ZAN: variants seen among roughly 807,000 people sequenced by gnomAD.
The protein encoded by ZAN is zonadhesin (gene/pseudogene).
In ZAN, 260 loss-of-function variants were observed where a neutral mutation model predicts 286.2. The ratio of observed to expected loss-of-function variants is 0.91; its 90% confidence interval spans 0.82 to 1.01. The LOEUF (loss-of-function observed/expected upper bound fraction) is 1.01, where lower values mean the gene tolerates loss of function less well. Ranked by LOEUF, ZAN falls within the 50% of genes least tolerant of loss-of-function variation. The pLI, the probability that ZAN is intolerant of heterozygous loss-of-function variation, is 0.00. For missense variants in ZAN, 3,410 were observed against 3,639.2 expected, an observed-to-expected ratio of 0.94 and a Z score of 1.62; for synonymous variants, 1,368 against 1,417.5, an observed-to-expected ratio of 0.97 and a Z score of 0.79.
At chr7:100,783,851 T>A (rs1235443473) in intron 35 of ZAN, among the ~76,000 whole-genome samples, 1 of 138,026 alleles carries the variant, frequency 7.2e-6, no homozygotes, top group Non-Finnish European at 1.5e-5. Context: ...TGAGATCACA[T>A]TAAATGTGTA....
Position 100,790,935 on chromosome 7 carries a change from C to T in ZAN, c.7358-7C>T, listed in dbSNP as rs1445636582. 1 of 1,606,482 alleles carries T rather than the reference C, an allele frequency of 6.2e-7. No individual in the cohort carries two copies. The highest frequency in any genetic ancestry group is 1.3e-5 in the African/African-American group (1 of 74,644). On this transcript the variant is annotated splice_region_variant and splice_polypyrimidine_tract_variant and intron_variant, in intron 39 of 47. Coordinates refer to ENST00000613979, the MANE Select transcript of ZAN (RefSeq NM_003386.3). Reference sequence around the variant, plus strand: ...TCTCACTTCTGGGGACCCCCTTCCTCCCGCAGTGATCTCCCTACCCAGCAT... The same window carrying T: ...TCTCACTTCTGGGGACCCCCTTCCTTCCGCAGTGATCTCCCTACCCAGCAT...
rs181185014 is a variant in ZAN, at chr7:100,762,125, G to C, written c.3843-90G>C. ...ATCCTCCTCACGCCCTCTGTTTTAG[G>C]ATCCCAGCTCCTTGCCTTCTCTGCC... On this transcript the variant is annotated intron_variant, in intron 19 of 47. Transcript: ENST00000613979. 3,199 of 1,544,142 alleles carry C rather than the reference G, an allele frequency of 2.1e-3. 14 individuals are homozygous for C. The highest frequency in any genetic ancestry group is 2.0e-3 in the Non-Finnish European group (2,289 of 1,126,204).
At chr7:100,737,684 C>T (rs141633632) in intron 6 of ZAN, among the ~76,000 whole-genome samples, 2,364 of 132,792 alleles carry the variant, frequency 0.018, 324 homozygotes, top group African/African-American at 0.06. Context: ...CCAGCCTTGG[C>T]GATGGAGTGA....
chr7:100,762,481 AG>A, intron 20 of ZAN, 123 bp downstream of exon 20: 1 of 1,276,314 alleles, frequency 7.8e-7, no homozygotes, highest in South Asian at 1.6e-5. Context: ...GCTGGAGTGC[AG>A]TGGTGCGATC....
chr7:100,772,748 G>A (rs1810459649), intron 29 of ZAN, among the ~76,000 whole-genome samples: 1 of 151,898 alleles, frequency 6.6e-6, no homozygotes, highest in African/African-American at 2.4e-5. Context: ...GTGAATCTGG[G>A]AGGTGGAGCT....
chr7:100,779,696 AC>A lies in ZAN; in HGVS notation c.6570del (p.Cys2191AlafsTer66), dbSNP rs2116217436. On this transcript the variant is annotated frameshift_variant, in exon 35 of 48. Coordinates refer to ENST00000613979, the MANE Select transcript of ZAN (RefSeq NM_003386.3). LOFTEE classifies it high-confidence loss of function. ...LCQALQAFGATCQSQGLKPPL... is the reference protein window; with the variant it reads ...LCQALQAFGAXCQSQGLKPPL... The stretch of plus-strand genomic sequence containing the variant: ...CCAGGCTCTGCAAGCCTTCGGGGCC[AC>A]CTGCCAGAGCCAGGGGCTCAAGCCC... The A allele has an allele frequency of 6.4e-7, 1 of 1,559,968 alleles. No individual in the cohort carries two copies. The highest frequency in any genetic ancestry group is 1.9e-5 in the Admixed American group (1 of 51,928).
chr7:100,795,724 G>A (rs2116363558), intron 45 of ZAN, among the ~76,000 whole-genome samples: 1 of 151,850 alleles, frequency 6.6e-6, no homozygotes, highest in East Asian at 1.9e-4. Flanking sequence ...GGCTAACGAA[G>A]TGAAACCCCG....
rs761820150 is a variant in ZAN at position 100,784,634 on chromosome 7, C to T, written c.6634C>T (p.Pro2212Ser). ...TCCTTCACCCACAGCTCTGGAATGC[C>T]CTGCCTACAGCAGCTACACCAACTG... is the stretch of plus-strand genomic sequence containing the variant. ...RNSSFCPLEC[P>S]AYSSYTNCLP... The change falls in exon 36 of 48, where the codon CCT (proline) becomes TCT (serine). Residue 2212 changes from proline to serine, a missense_variant. This residue lies in a region of ZAN where 1,289 missense variants were observed against 1,314.3 expected (regional missense o/e 0.98). Transcript: ENST00000613979. 6.2e-7 allele frequency: 1 copy of T among 1,613,836 alleles called. No individual in the cohort carries two copies. Among genetic ancestry groups the T allele is most frequent in the Non-Finnish European group, 8.5e-7 (1 of 1,179,862 alleles).
rs376729135 is a variant in ZAN at position 100,753,014 on chromosome 7, C to A, written c.2909C>A (p.Thr970Asn). 1 of 1,609,158 alleles carries A rather than the reference C, an allele frequency of 6.2e-7. No individual in the cohort carries two copies. Among genetic ancestry groups the A allele is most frequent in the South Asian group, 1.1e-5 (1 of 90,546 alleles). Residue 970 changes from threonine (T) to asparagine (N), a missense_variant, in exon 14 of 48, where the codon ACC (threonine) becomes AAC (asparagine). By Grantham distance (65) the Thr-to-Asn change is moderately conservative. This residue lies in a region of ZAN where 1,042 missense variants were observed against 1,058.0 expected (regional missense o/e 0.98). Transcript: ENST00000613979. ...EKPTISTEKP[T>N]IPTEKLTIPT... ...CCCACCATCTCCACGGAAAAACCCA[C>A]CATCCCCACGGAAAAACTTACCATC...
intron 36 of ZAN, among the ~76,000 whole-genome samples, chr7:100,785,424 T>C (rs1208747298): frequency 2.0e-5 from 3 of 151,916 alleles, no homozygotes; most frequent in Non-Finnish European, 4.4e-5. Context: ...AGAGATTGGG[T>C]TTCACCATGT....
At position 100,739,546 on chromosome 7, in the gene ZAN, G is replaced by A. The variant is rs1388421261; in HGVS notation, c.766+933G>A. Reference sequence around the variant, plus strand: ...ACTGGCTCACGCCTGTAATCCCAGCGCTTTGGGAAGCTGAGACGGGAGGAT... The same window carrying A: ...ACTGGCTCACGCCTGTAATCCCAGCACTTTGGGAAGCTGAGACGGGAGGAT... On this transcript the variant is annotated intron_variant, in intron 7 of 47. Coordinates refer to ENST00000613979, the MANE Select transcript of ZAN (RefSeq NM_003386.3). Among the ~76,000 whole-genome samples the A allele has an allele frequency of 2.2e-5, 3 of 135,824 alleles. 1 individual carries two copies. Among genetic ancestry groups the A allele is most frequent in the East Asian group, 2.2e-4 (1 of 4,578 alleles). The allele number at this position is 135,824 out of a possible 152,430, so 89.1% of individuals were successfully genotyped here. A position where few individuals can be genotyped will look rare whatever the true frequency, so the allele number is the denominator to read the frequency against.
At chr7:100,776,718 CTTTT>C (rs1161585746) in intron 34 of ZAN, among the ~76,000 whole-genome samples, 154 bp downstream of exon 34, 12 of 47,508 alleles carry the variant, frequency 2.5e-4, no homozygotes, top group African/African-American at 5.0e-4. Flanking sequence ...CCTCTCCTTT[CTTTT>C]TTTTTTTTTT....
Position 100,736,501 on chromosome 7 carries a change from A to G in ZAN, c.125A>G (p.Asp42Gly). ...TTCCTAGATGTCCTCACCCAGTGTG[A>G]TTTTGAGGATGACGCCAAACCCCTC... ...SRDNYVLTQC[D>G]FEDDAKPLCD... is the part of the protein sequence containing the mutation. Residue 42 changes from aspartate to glycine, a missense_variant, in exon 4 of 48, where the codon GAT (aspartate) becomes GGT (glycine). Asp to Gly is a moderately conservative substitution (Grantham distance 94, BLOSUM62 -1). Around this residue, in one of 7 missense-constraint regions of ZAN, gnomAD observed 872 missense variants for 938.9 expected, o/e 0.93. Transcript: ENST00000613979. The G allele has an allele frequency of 6.6e-7, 1 of 1,523,796 alleles. No homozygotes were observed. Among genetic ancestry groups the G allele is most frequent in the Non-Finnish European group, 9.0e-7 (1 of 1,108,122 alleles). 94.4% of individuals were successfully genotyped at this position (1,523,796 alleles called of 1,614,324 possible).
chr7:100,770,743 C>T (rs1810318100), intron 28 of ZAN, among the ~76,000 whole-genome samples: 1 of 151,838 alleles, frequency 6.6e-6, no homozygotes, highest in Admixed American at 6.6e-5. Flanking sequence ...CAGGCTTGAA[C>T]TCCTGGGCTC....
In ZAN at chr7:100,750,662, C is replaced by T. The variant is rs1294609432; in HGVS notation, c.1287C>T (p.Ser429=). The T allele has an allele frequency of 1.2e-6, 2 of 1,613,270 alleles. No individual in the cohort carries two copies. The highest frequency in any genetic ancestry group is 1.7e-6 in the Non-Finnish European group (2 of 1,179,722). ...TCTACCTTGAGGCTGACGAGTTCTC[C>T]CAGGCAGGCCAGTCAGTCAGACTGG... ...HYIYLEADEF[S]QAGQSVRLVS... Residue 429 remains serine, a synonymous_variant, in exon 12 of 48, where the codon TCC becomes TCT. Coordinates refer to ENST00000613979, the MANE Select transcript of ZAN (RefSeq NM_003386.3).
In ZAN at chr7:100,763,578, A is replaced by T. The variant is rs531644236; in HGVS notation, c.3987-228A>T. On this transcript the variant is annotated intron_variant, in intron 20 of 47. Transcript: ENST00000613979. This position sits in a 1 kb window ranked among gnomAD's most constrained non-coding sequence, Gnocchi z 4.6. Reference sequence around the variant, plus strand: ...TTTATTTTTAAAGAGATGGGATCTCAGTGTGTTACCCAGGCTGGCCTGGAA... The same window carrying T: ...TTTATTTTTAAAGAGATGGGATCTCTGTGTGTTACCCAGGCTGGCCTGGAA... Among the ~76,000 whole-genome samples, 8 of 152,242 alleles carry T rather than the reference A, an allele frequency of 5.3e-5. No homozygotes were observed. The highest frequency in any genetic ancestry group is 1.9e-4 in the African/African-American group (8 of 41,564).
chr7:100,775,575 A>G lies in ZAN; in HGVS notation c.6027A>G (p.Leu2009=), dbSNP rs1248294669. 1 of 1,613,152 alleles carries G rather than the reference A, an allele frequency of 6.2e-7. No homozygotes were observed. The highest frequency in any genetic ancestry group is 1.1e-5 in the South Asian group (1 of 91,074). ...CCCTGCAGAAGGGCCACCGTGTGCTAGTGAGCTGGGTGTGGTGACCGGGGC... is the reference window on the plus strand; with the variant it reads ...CCCTGCAGAAGGGCCACCGTGTGCTGGTGAGCTGGGTGTGGTGACCGGGGC... ...QVTLQKGHRV[L]INSKQVTLPA... Residue 2009 remains leucine, a splice_region_variant and synonymous_variant, in exon 32 of 48, where the codon CTA becomes CTG. Coordinates refer to ENST00000613979, the MANE Select transcript of ZAN (RefSeq NM_003386.3).
intron 36 of ZAN, 29 bp from the exon 37 acceptor site, chr7:100,785,968 C>A: frequency 1.9e-6 from 3 of 1,602,412 alleles, no homozygotes; most frequent in Non-Finnish European, 2.6e-6. Flanking sequence ...CCCCTCCTCA[C>A]TCTCTTTCTC....
At position 100,773,550 on chromosome 7, in the gene ZAN, G is replaced by C. The variant is rs1451872307; in HGVS notation, c.5634+57G>C. On this transcript the variant is annotated intron_variant, in intron 30 of 47. Transcript: ENST00000613979. ...TTCCAGGCCCACATGTTTGGGGTCA[G>C]GGCAAGCTCAGGAGAGGCAGGAGGA... 1.3e-5 allele frequency: 21 copies of C among 1,591,898 alleles called. No individual in the cohort carries two copies. In the East Asian group the frequency reaches 1.6e-4, roughly 12 times the overall value.
Sources: gnomAD v4.1 joint callset for allele counts (sites outside exome capture counted in the v4.1 genomes callset) on GRCh38, gnomAD v4.1.1 for gene constraint, gnomAD v4.1.1 regional missense constraint, Gnocchi (gnomAD v3.1) non-coding constraint, MANE v1.5 for transcripts, NCBI Gene and HGNC (gene_info 2026-07-23, HGNC 2026-07-21) for gene names.